The following MGMT variants were observed in gnomAD, a reference collection of about 807,000 sequenced individuals.
The protein encoded by MGMT is methylated-DNA--protein-cysteine methyltransferase.
A neutral mutation model predicts 15.9 loss-of-function variants in MGMT; 14 were observed. The ratio of observed to expected loss-of-function variants is 0.88; its 90% CI spans 0.58 to 1.37. The LOEUF (loss-of-function observed/expected upper bound fraction) is 1.37, where lower values mean the gene tolerates loss of function less well. Among genes scored for constraint, MGMT ranks in the 40% most tolerant of loss-of-function variants. The pLI is 0.00. For synonymous variants in MGMT, 130 were observed against 118.2 expected, an observed-to-expected ratio of 1.10 and a Z score of -0.65; for missense variants, 282 against 268.1, an observed-to-expected ratio of 1.05 and a Z score of -0.36.
intron 1 of MGMT, among the ~76,000 whole-genome samples, chr10:129,504,394 T>G (rs1845604272): frequency 6.6e-6 from 1 of 152,208 alleles, no homozygotes; most frequent in African/African-American, 2.4e-5. Context: ...TAGAAAACTT[T>G]GTGTAGAGAA....
At chr10:129,601,839 T>C (rs1318909700) in intron 2 of MGMT, among the ~76,000 whole-genome samples, 1 of 152,136 alleles carries the variant, frequency 6.6e-6, no homozygotes, top group African/African-American at 2.4e-5. Flanking sequence ...AACGTAAGGA[T>C]GTGGTAGTAG....
intron 2 of MGMT, among the ~76,000 whole-genome samples, chr10:129,616,914 T>G (rs1847034535): frequency 6.6e-6 from 1 of 152,206 alleles, no homozygotes; most frequent in African/African-American, 2.4e-5. Context: ...GCCCAGACTC[T>G]GAGCTTCTGC....
At chr10:129,509,178 G>A (rs1355428309) in intron 1 of MGMT, among the ~76,000 whole-genome samples, 2 of 152,168 alleles carry the variant, frequency 1.3e-5, no homozygotes, top group East Asian at 3.9e-4. Flanking sequence ...AGCTGCATGA[G>A]ATGTTTATTA....
chr10:129,566,646 T>G lies in MGMT; in HGVS notation c.125+30269T>G, dbSNP rs1160681617. On this transcript the variant is annotated intron_variant, in intron 2 of 4. Coordinates refer to ENST00000651593, the MANE Select transcript of MGMT (RefSeq NM_002412.5). This position sits in a 1 kb window ranked among gnomAD's most constrained non-coding sequence, Gnocchi z 4.1. ...GCCCGTGGGATTTTTGCTGTTTCTC[T>G]TCTCCCACTGTTGGTCGTTGGCTGG... Among the ~76,000 whole-genome samples the G allele has an allele frequency of 1.3e-5, 2 of 152,086 alleles. No individual in the cohort carries two copies. The highest frequency in any genetic ancestry group is 2.9e-5 in the Non-Finnish European group (2 of 68,008).
At chr10:129,655,559 G>T (rs940374450) in intron 2 of MGMT, among the ~76,000 whole-genome samples, 1 of 152,152 alleles carries the variant, frequency 6.6e-6, no homozygotes, top group South Asian at 2.1e-4. Flanking sequence ...GAGAGCTCTC[G>T]TGGCTTCTGT....
chr10:129,621,031 C>T (rs529965183), intron 2 of MGMT, among the ~76,000 whole-genome samples: 23 of 152,222 alleles, frequency 1.5e-4, no homozygotes, highest in African/African-American at 5.3e-4. Flanking sequence ...CCACACTGTC[C>T]AGTATGGCAG....
At position 129,766,817 on chromosome 10, in the gene MGMT, G is replaced by A. The variant is rs1345359218; in HGVS notation, c.444G>A (p.Val148=). ...CCATCCTCATCCCGTGCCACAGAGT[G>A]GTCTGCAGCAGCGGAGCCGTGGGCA... ...PVPILIPCHR[V]VCSSGAVGNY... Residue 148 remains valine, a synonymous_variant, in exon 5 of 5, where the codon GTG becomes GTA. Transcript: ENST00000651593. The A allele has an allele frequency of 6.2e-7, 1 of 1,613,300 alleles. No homozygotes were observed. The highest frequency in any genetic ancestry group is 8.5e-7 in the Non-Finnish European group (1 of 1,180,022).
intron 2 of MGMT, among the ~76,000 whole-genome samples, chr10:129,619,494 G>T (rs561252309): frequency 6.6e-6 from 1 of 152,228 alleles, no homozygotes; most frequent in African/African-American, 2.4e-5. Flanking sequence ...TATTATCGGG[G>T]TAATGCTGGC....
chr10:129,534,007 G>A (rs1489125628), intron 1 of MGMT, among the ~76,000 whole-genome samples: 1 of 152,204 alleles, frequency 6.6e-6, no homozygotes, highest in African/African-American at 2.4e-5. Context: ...GGTGGGAACA[G>A]TAGTGATCCC....
At chr10:129,738,520 T>C (rs1848593068) in intron 3 of MGMT, among the ~76,000 whole-genome samples, 1 of 152,246 alleles carries the variant, frequency 6.6e-6, no homozygotes, top group South Asian at 2.1e-4. Flanking sequence ...ATCTTCTGCG[T>C]CGCTCACACT....
chr10:129,681,401 A>G (rs67372222), intron 2 of MGMT, among the ~76,000 whole-genome samples: 22,938 of 152,168 alleles, frequency 0.15, 1,835 homozygotes, highest in East Asian at 0.28. Flanking sequence ...GGTCCTGGCT[A>G]CCTCTGCTGA....
intron 1 of MGMT, among the ~76,000 whole-genome samples, chr10:129,523,994 C>T (rs924508039): frequency 6.6e-6 from 1 of 152,216 alleles, no homozygotes; most frequent in Non-Finnish European, 1.5e-5. Context: ...GCAGAAGCAT[C>T]TCTTGATGGC....
intron 2 of MGMT, among the ~76,000 whole-genome samples, chr10:129,670,566 G>T (rs1261088472): frequency 6.6e-6 from 1 of 152,030 alleles, no homozygotes; most frequent in African/African-American, 2.4e-5. Flanking sequence ...GAAAATCAAA[G>T]AAACCAATAG....
chr10:129,644,625 C>T (rs1391897758), intron 2 of MGMT, among the ~76,000 whole-genome samples: 1 of 152,242 alleles, frequency 6.6e-6, no homozygotes, highest in African/African-American at 2.4e-5. Context: ...GCCTCAATTC[C>T]TGCTTCCCTT....
At chr10:129,613,326 A>C (rs1008419263) in intron 2 of MGMT, among the ~76,000 whole-genome samples, 6 of 152,198 alleles carry the variant, frequency 3.9e-5, no homozygotes, top group African/African-American at 1.4e-4. Flanking sequence ...AAAGACGGGA[A>C]GCGTCCTTGA....
At chr10:129,742,522 G>A (rs1848646656) in intron 3 of MGMT, among the ~76,000 whole-genome samples, 1 of 149,522 alleles carries the variant, frequency 6.7e-6, no homozygotes, top group South Asian at 2.1e-4. Context: ...TCAGGGCCAG[G>A]GCATTCAGCA....
Position 129,759,197 on chromosome 10 carries a change from T to G in MGMT, c.275-5T>G. 1.2e-6 allele frequency: 2 copies of G among 1,614,222 alleles called. No homozygotes were observed. Among genetic ancestry groups the G allele is most frequent in the South Asian group, 2.2e-5 (2 of 91,084 alleles). ...AATAACATTATCCTGCATTCTTCCT[T>G]TCAGAGTCGTTCACCAGACAGGTGT... On this transcript the variant is annotated splice_polypyrimidine_tract_variant and splice_region_variant and intron_variant, in intron 3 of 4. Transcript: ENST00000651593.
At chr10:129,576,987 A>G (rs1365368763) in intron 2 of MGMT, among the ~76,000 whole-genome samples, 2 of 152,174 alleles carry the variant, frequency 1.3e-5, no homozygotes, top group Non-Finnish European at 2.9e-5. Context: ...AGGGATGTGA[A>G]GGACCTCTTC....
intron 2 of MGMT, among the ~76,000 whole-genome samples, chr10:129,653,790 G>A (rs1847491278): frequency 6.6e-6 from 1 of 152,244 alleles, no homozygotes; most frequent in Non-Finnish European, 1.5e-5. Flanking sequence ...GCATCACTGA[G>A]GCCCCACAGC....
Sources: allele counts gnomAD v4.1 joint callset (sites outside exome capture counted in the v4.1 genomes callset), GRCh38; gene constraint gnomAD v4.1.1; non-coding constraint Gnocchi (gnomAD v3.1); transcripts MANE v1.5; gene names NCBI Gene and HGNC (gene_info 2026-07-23, HGNC 2026-07-21).